The following UBE2L6 variants were observed in gnomAD, a reference collection of about 807,000 sequenced individuals.
UBE2L6 encodes ubiquitin conjugating enzyme E2 L6, also known as ubiquitin/ISG15-conjugating enzyme E2 L6.
Under a neutral mutation model 13.6 loss-of-function variants are expected in UBE2L6, and 11 were observed. The observed-to-expected ratio is 0.81, with a 90% CI of 0.51 to 1.34. The LOEUF (loss-of-function observed/expected upper bound fraction) is 1.34. UBE2L6 is among the 40% of genes most tolerant of loss of function. The pLI is 0.00. For missense variants in UBE2L6, 197 were observed against 199.5 expected, an observed-to-expected ratio of 0.99 and a Z score of 0.07; for synonymous variants, 74 against 83.2, an observed-to-expected ratio of 0.89 and a Z score of 0.60.
intron 2 of UBE2L6, among the ~76,000 whole-genome samples, chr11:57,555,830 A>T (rs971343258): frequency 6.6e-6 from 1 of 152,224 alleles, no homozygotes; most frequent in African/African-American, 2.4e-5. Flanking sequence ...TCTGGCCTCC[A>T]GATTACTGGG....
At chr11:57,564,428 A>AGACCTG in intron 1 of UBE2L6, among the ~76,000 whole-genome samples, 1 of 152,348 alleles carries the variant, frequency 6.6e-6, no homozygotes, top group South Asian at 2.1e-4. Context: ...GAGAGATACC[A>AGACCTG]TCGACACCAG....
chr11:57,557,245 G>A (rs954964362), intron 2 of UBE2L6, among the ~76,000 whole-genome samples: 29 of 152,002 alleles, frequency 1.9e-4, no homozygotes, highest in Non-Finnish European at 4.0e-4. Flanking sequence ...TGAAAAAGCT[G>A]GTTGTTTAGA....
chr11:57,562,082 G>A (rs755986247), intron 1 of UBE2L6, among the ~76,000 whole-genome samples: 5 of 152,230 alleles, frequency 3.3e-5, no homozygotes, highest in Admixed American at 2.0e-4. Flanking sequence ...AACAAGAGGG[G>A]AGACCGCTGC....
At chr11:57,554,180 C>T (rs1944979878) in intron 3 of UBE2L6, among the ~76,000 whole-genome samples, 1 of 152,176 alleles carries the variant, frequency 6.6e-6, no homozygotes, top group African/African-American at 2.4e-5. Context: ...CCGAGCCCTT[C>T]CCTGTGCAGC....
chr11:57,567,744 G>T, upstream of UBE2L6: 2 of 1,141,340 alleles, frequency 1.8e-6, no homozygotes, highest in Non-Finnish European at 2.4e-6. Flanking sequence ...CCGTCGCTGC[G>T]TGGGCCTCCC....
Position 57,565,656 on chromosome 11 carries a change from C to T in UBE2L6, c.27+1929G>A, listed in dbSNP as rs534245415. ...CTGATATTACAGGAGTGGGACACCA[C>T]GCCTGGCCTTCATTAGTTTTCATTT... On this transcript the variant is annotated intron_variant, in intron 1 of 3. Coordinates refer to ENST00000287156, the MANE Select transcript of UBE2L6 (RefSeq NM_004223.5). Among the ~76,000 whole-genome samples the T allele has an allele frequency of 3.3e-5, 5 of 152,232 alleles. No homozygotes were observed. In the East Asian group the frequency reaches 5.8e-4, roughly 18 times the overall value.
chr11:57,566,955 C>CGCG (rs1554991567), intron 1 of UBE2L6: 2 of 211,382 alleles, frequency 9.5e-6, no homozygotes, highest in African/African-American at 3.3e-5. Context: ...CCGCCCCCCC[C>CGCG]CCCCTCCTAG....
At chr11:57,558,606 A>G (rs574150672) in intron 2 of UBE2L6, among the ~76,000 whole-genome samples, 1 of 152,320 alleles carries the variant, frequency 6.6e-6, no homozygotes, top group South Asian at 2.1e-4. Context: ...TGCTTAAAAC[A>G]GCACTTGGTC....
chr11:57,556,690 C>T (rs1469602369), intron 2 of UBE2L6, among the ~76,000 whole-genome samples: 3 of 151,154 alleles, frequency 2.0e-5, no homozygotes, highest in African/African-American at 7.3e-5. Flanking sequence ...GGAGAAAAGG[C>T]TGTGCCTATC....
intron 2 of UBE2L6, among the ~76,000 whole-genome samples, chr11:57,557,929 C>T (rs556743346): frequency 1.3e-5 from 2 of 152,188 alleles, no homozygotes; most frequent in Non-Finnish European, 1.5e-5. Context: ...CTCGGGCTTG[C>T]TGTATGACTG....
upstream of UBE2L6, chr11:57,567,680 C>T: frequency 6.5e-7 from 1 of 1,527,618 alleles, no homozygotes; most frequent in South Asian, 1.2e-5. Context: ...CACAGCGCGC[C>T]CCGCCCCGCC....
chr11:57,565,013 T>C lies in UBE2L6; in HGVS notation c.27+2572A>G, dbSNP rs368103665. 1.7e-3 allele frequency among the ~76,000 whole-genome samples: 257 copies of C among 151,558 alleles called. 9 individuals carry two copies. In the East Asian group the frequency reaches 0.039, roughly 23 times the overall value. On this transcript the variant is annotated intron_variant, in intron 1 of 3. Coordinates refer to ENST00000287156, the MANE Select transcript of UBE2L6 (RefSeq NM_004223.5). ...ATCCCAGCACTTTGGGAGGCTGAGGTGGGTGGATCACCTGAGGTCAGGAGT... is the reference window on the plus strand; with the variant it reads ...ATCCCAGCACTTTGGGAGGCTGAGGCGGGTGGATCACCTGAGGTCAGGAGT...
rs545047781 is a variant in UBE2L6, at chr11:57,558,767, T to G, written c.123+1570A>C. Among the ~76,000 whole-genome samples the G allele has an allele frequency of 2.0e-5, 3 of 152,344 alleles. No individual in the cohort carries two copies. The East Asian group carries it at 5.8e-4, about 29-fold the overall frequency. On this transcript the variant is annotated intron_variant, in intron 2 of 3. Transcript: ENST00000287156. ...CCTTTGAGGAGGAATTTGTGTGCTA[T>G]TCCAAAAGACCTTTCCTGGTTCTCC... is the stretch of plus-strand genomic sequence containing the variant.
At chr11:57,558,171 C>T (rs1344967839) in intron 2 of UBE2L6, among the ~76,000 whole-genome samples, 1 of 152,072 alleles carries the variant, frequency 6.6e-6, no homozygotes, top group Admixed American at 6.6e-5. Context: ...CTCCAACTCC[C>T]GGGTTCAAGT....
At chr11:57,565,548 A>G (rs2135283487) in intron 1 of UBE2L6, among the ~76,000 whole-genome samples, 1 of 151,778 alleles carries the variant, frequency 6.6e-6, no homozygotes, top group East Asian at 2.0e-4. Flanking sequence ...TACTTTTTGT[A>G]GAGATGGGGT....
intron 1 of UBE2L6, among the ~76,000 whole-genome samples, chr11:57,564,431 G>A (rs573353152): frequency 3.3e-5 from 5 of 152,202 alleles, no homozygotes; most frequent in African/African-American, 1.2e-4. Flanking sequence ...AGATACCATC[G>A]ACACCAGACC....
At chr11:57,567,767 G>C (rs971417065), upstream of UBE2L6, 11 of 867,536 alleles carry the variant, frequency 1.3e-5, no homozygotes, top group Non-Finnish European at 1.6e-5. Flanking sequence ...CACCCGCTCC[G>C]GCGAGGCCAG....
At position 57,552,926 on chromosome 11, in the gene UBE2L6, C is replaced by T. The variant is rs1944970362; in HGVS notation, c.311-417G>A. 2.6e-5 allele frequency among the ~76,000 whole-genome samples: 4 copies of T among 152,196 alleles called. No individual in the cohort carries two copies. The South Asian group carries it at 8.3e-4, about 32-fold the overall frequency. On this transcript the variant is annotated intron_variant, in intron 3 of 3. Transcript: ENST00000287156. Reference sequence around the variant, plus strand: ...CCTGGCTCTTCATCTTTCACAGATGCCTTTGGGAACCTAGTGAAGGCAGCA... The same window carrying T: ...CCTGGCTCTTCATCTTTCACAGATGTCTTTGGGAACCTAGTGAAGGCAGCA...
chr11:57,564,876 A>T (rs2135282879), intron 1 of UBE2L6, among the ~76,000 whole-genome samples: 1 of 152,302 alleles, frequency 6.6e-6, no homozygotes, highest in Middle Eastern at 3.4e-3. Flanking sequence ...TCATATCTTA[A>T]GTAGAAAGAG....
Sources: gnomAD v4.1 joint callset for allele counts (sites outside exome capture counted in the v4.1 genomes callset) on GRCh38, gnomAD v4.1.1 for gene constraint, MANE v1.5 for transcripts, NCBI Gene and HGNC (gene_info 2026-07-23, HGNC 2026-07-21) for gene names.